The following CNTN5 variants were observed in gnomAD, a reference collection of about 807,000 sequenced individuals.
CNTN5 encodes contactin 5.
A neutral mutation model predicts 129.1 loss-of-function variants in CNTN5; 77 were observed. The observed-to-expected ratio is 0.60, with a 90% confidence interval of 0.50 to 0.72. The LOEUF is 0.72. Ranked by LOEUF, CNTN5 falls within the 30% of genes least tolerant of loss-of-function variation. The probability of loss-of-function intolerance (pLI) is 0.00; values close to 1 mark genes in which losing one functional copy is unlikely to be tolerated. For missense variants in CNTN5, 1,478 were observed against 1,328.8 expected (o/e 1.11, Z -1.75); for synonymous variants, 509 against 465.6 (o/e 1.09, Z -1.20).
intron 13 of CNTN5, among the ~76,000 whole-genome samples, chr11:100,158,885 T>G (rs1374373532): frequency 1.3e-5 from 2 of 151,898 alleles, no homozygotes; most frequent in African/African-American, 4.8e-5. Flanking sequence ...ATAGCAGCAC[T>G]GTTAGCACTA....
At chr11:99,640,338 T>C (rs1014237870) in intron 3 of CNTN5, among the ~76,000 whole-genome samples, 3 of 152,204 alleles carry the variant, frequency 2.0e-5, no homozygotes, top group Non-Finnish European at 4.4e-5. Context: ...ATTGGACTTA[T>C]AGTTCCATAT....
At chr11:99,247,988 G>A (rs898254891) in intron 1 of CNTN5, among the ~76,000 whole-genome samples, 2 of 152,140 alleles carry the variant, frequency 1.3e-5, no homozygotes, top group Admixed American at 1.3e-4. Flanking sequence ...GTAATGGGAT[G>A]GCTGGGTCAA....
intron 1 of CNTN5, among the ~76,000 whole-genome samples, chr11:99,259,299 C>A (rs1284635690): frequency 6.6e-6 from 1 of 151,690 alleles, no homozygotes; most frequent in African/African-American, 2.4e-5. Flanking sequence ...TGCGCCCTTA[C>A]TTCTAAAATC....
intron 2 of CNTN5, among the ~76,000 whole-genome samples, chr11:99,439,854 T>C (rs11219911): frequency 6.6e-6 from 1 of 152,014 alleles, no homozygotes; most frequent in Non-Finnish European, 1.5e-5. Flanking sequence ...ATTTATGCAA[T>C]GAAATACATT....
intron 3 of CNTN5, among the ~76,000 whole-genome samples, chr11:99,634,158 G>T (rs1016969113): frequency 2.5e-4 from 38 of 152,144 alleles, no homozygotes; most frequent in African/African-American, 8.5e-4. Flanking sequence ...AAAGTAGTTT[G>T]CATGGTTGAA....
chr11:99,832,449 G>C lies in CNTN5; in HGVS notation c.278-12403G>C, dbSNP rs182232379. ...AAAAACCTATTAGACTTTAACTTATGTTGTGTGTACAACGAAATGCTACAC... is the reference window on the plus strand; with the variant it reads ...AAAAACCTATTAGACTTTAACTTATCTTGTGTGTACAACGAAATGCTACAC... On this transcript the variant is annotated intron_variant, in intron 4 of 24. Coordinates refer to ENST00000524871, the MANE Select transcript of CNTN5 (RefSeq NM_014361.4). 4.6e-5 allele frequency among the ~76,000 whole-genome samples: 7 copies of C among 152,130 alleles called. No individual in the cohort carries two copies. In the South Asian group the frequency reaches 1.2e-3, roughly 27 times the overall value.
chr11:99,258,188 A>C (rs138899657), intron 1 of CNTN5, among the ~76,000 whole-genome samples: 17 of 152,098 alleles, frequency 1.1e-4, no homozygotes, highest in African/African-American at 3.9e-4. Flanking sequence ...GTACATGTGC[A>C]GGTTTGTTAT....
Position 100,199,355 on chromosome 11 carries a change from C to T in CNTN5, c.1884+5692C>T, listed in dbSNP as rs115384222. Among the ~76,000 whole-genome samples the T allele has an allele frequency of 4.7e-3, 722 of 152,008 alleles. 4 individuals carry two copies. The highest frequency in any genetic ancestry group is 0.016 in the African/African-American group (681 of 41,518). On this transcript the variant is annotated intron_variant, in intron 15 of 24. Transcript: ENST00000524871. ...CTATCCTTTCTCATCAGTTCAGATCCTACCTCTTGGTTCTTTGGCCTGCTC... is the reference window on the plus strand; with the variant it reads ...CTATCCTTTCTCATCAGTTCAGATCTTACCTCTTGGTTCTTTGGCCTGCTC...
chr11:99,594,039 A>G (rs948165671), intron 3 of CNTN5, among the ~76,000 whole-genome samples: 11 of 152,160 alleles, frequency 7.2e-5, no homozygotes, highest in Non-Finnish European at 1.5e-4. Context: ...GGGATGTTCT[A>G]TGGACATATC....
In CNTN5 at chr11:99,248,120, C is replaced by T. The variant is rs1377172583; in HGVS notation, c.-209-77226C>T. ...CTATTTCTCCACATCTTCTCCAGCA[C>T]CTGTTGTTTCCTGACGTTTTAATGA... On this transcript the variant is annotated intron_variant, in intron 1 of 24. Coordinates refer to ENST00000524871, the MANE Select transcript of CNTN5 (RefSeq NM_014361.4). 1.2e-4 allele frequency among the ~76,000 whole-genome samples: 19 copies of T among 152,134 alleles called. 1 individual carries two copies. The highest frequency in any genetic ancestry group is 1.0e-4 in the Non-Finnish European group (7 of 68,024).
At chr11:100,133,548 G>A (rs1002920985) in intron 13 of CNTN5, among the ~76,000 whole-genome samples, 1 of 152,040 alleles carries the variant, frequency 6.6e-6, no homozygotes, top group Admixed American at 6.6e-5. Context: ...TTTGCATTGG[G>A]AATGTATTTA....
In CNTN5 at chr11:99,666,878, G is replaced by A. The variant is rs561030027; in HGVS notation, c.55+110609G>A. 9.2e-5 allele frequency among the ~76,000 whole-genome samples: 14 copies of A among 152,132 alleles called. No homozygotes were observed. In the South Asian group the frequency reaches 1.0e-3, roughly 11 times the overall value. The stretch of plus-strand genomic sequence containing the variant: ...CTCCAGGGTATTAAGATTAAAATCC[G>A]TTACAGGAATCTTTATTTTTTATAA... On this transcript the variant is annotated intron_variant, in intron 3 of 24. Coordinates refer to ENST00000524871, the MANE Select transcript of CNTN5 (RefSeq NM_014361.4).
chr11:99,767,109 G>T (rs1176040245), intron 3 of CNTN5, among the ~76,000 whole-genome samples: 1 of 152,010 alleles, frequency 6.6e-6, no homozygotes, highest in Non-Finnish European at 1.5e-5. Flanking sequence ...AAATATGTCT[G>T]CATCTCTCTC....
At chr11:99,168,887 T>C (rs1861014374) in intron 1 of CNTN5, among the ~76,000 whole-genome samples, 1 of 152,240 alleles carries the variant, frequency 6.6e-6, no homozygotes, top group Non-Finnish European at 1.5e-5. Flanking sequence ...TGAGCAGATC[T>C]GACTTTGATT....
chr11:99,141,153 T>C (rs1418696083), intron 1 of CNTN5, among the ~76,000 whole-genome samples: 1 of 152,154 alleles, frequency 6.6e-6, no homozygotes, highest in Non-Finnish European at 1.5e-5. Flanking sequence ...GTTTTTTTTA[T>C]GATTAATTCA....
At chr11:99,490,301 A>G (rs1158724100) in intron 2 of CNTN5, among the ~76,000 whole-genome samples, 1 of 152,210 alleles carries the variant, frequency 6.6e-6, no homozygotes, top group Non-Finnish European at 1.5e-5. Context: ...ACATTAAGTT[A>G]TTACATAATT....
chr11:100,303,116 C>T (rs996965844), intron 20 of CNTN5, among the ~76,000 whole-genome samples: 1 of 151,472 alleles, frequency 6.6e-6, no homozygotes, highest in Non-Finnish European at 1.5e-5. Flanking sequence ...CTGACATAAG[C>T]CCTGGAAAAA....
chr11:100,267,316 G>A (rs531535887), intron 17 of CNTN5, among the ~76,000 whole-genome samples: 2 of 151,600 alleles, frequency 1.3e-5, no homozygotes, highest in South Asian at 2.1e-4. Flanking sequence ...GCAAGCTCAA[G>A]TGTCCCATCC....
At chr11:99,275,586 G>T (rs79307137) in intron 1 of CNTN5, among the ~76,000 whole-genome samples, 2,493 of 151,594 alleles carry the variant, frequency 0.016, 62 homozygotes, top group African/African-American at 0.056. Flanking sequence ...ACAGGTCAGC[G>T]GGATTCCTCA....
Sources: allele counts gnomAD v4.1 joint callset (sites outside exome capture counted in the v4.1 genomes callset), GRCh38; gene constraint gnomAD v4.1.1; transcripts MANE v1.5; gene names NCBI Gene and HGNC (gene_info 2026-07-23, HGNC 2026-07-21).